The following ST6GALNAC2 variants were observed in gnomAD, a reference collection of about 807,000 sequenced individuals.
The protein encoded by ST6GALNAC2 is alpha-N-acetylgalactosaminide alpha-2,6-sialyltransferase 2.
In ST6GALNAC2, 42 loss-of-function variants were observed where a neutral mutation model predicts 38.7. The observed-to-expected ratio is 1.09, with a 90% CI of 0.85 to 1.40. ST6GALNAC2 has a LOEUF of 1.40. Ranked by LOEUF, ST6GALNAC2 falls within the 40% of genes most tolerant of loss-of-function variation. The pLI is 0.00. For synonymous variants in ST6GALNAC2, 233 were observed against 209.0 expected (o/e 1.11, Z -0.99); for missense variants, 506 against 481.7 (o/e 1.05, Z -0.47).
chr17:76,572,632 C>T lies in ST6GALNAC2; in HGVS notation c.669+5G>A. ...CCACAATGGCATGCCCGCCAGAGGC[C>T]TCACCTGTCCTTGTGGCACGGAGGT... On this transcript the variant is annotated splice_donor_5th_base_variant and intron_variant, in intron 5 of 8. Coordinates refer to ENST00000225276, the MANE Select transcript of ST6GALNAC2 (RefSeq NM_006456.3). 1 of 1,613,970 alleles carries T rather than the reference C, an allele frequency of 6.2e-7. No homozygotes were observed. The highest frequency in any genetic ancestry group is 8.5e-7 in the Non-Finnish European group (1 of 1,179,988).
chr17:76,582,078 G>A (rs1307266819), intron 1 of ST6GALNAC2, among the ~76,000 whole-genome samples: 4 of 150,490 alleles, frequency 2.7e-5, no homozygotes, highest in East Asian at 2.0e-4. Flanking sequence ...TGTTGGCCAC[G>A]ATGGTCTTGA....
At chr17:76,570,842 C>T (rs939942417) in intron 5 of ST6GALNAC2, 174 bp from the exon 6 acceptor site, 2 of 593,228 alleles carry the variant, frequency 3.4e-6, no homozygotes, top group African/African-American at 3.7e-5. Context: ...CACAAATCCT[C>T]TAATGCTCCT....
At chr17:76,577,472 G>A (rs2075430277) in intron 2 of ST6GALNAC2, among the ~76,000 whole-genome samples, 1 of 152,070 alleles carries the variant, frequency 6.6e-6, no homozygotes, top group African/African-American at 2.4e-5. Context: ...GGCTCAAGGT[G>A]GAAAAGAGTT....
rs924479371 is a variant in ST6GALNAC2, at chr17:76,573,058, T to C, written c.530+137A>G. On this transcript the variant is annotated intron_variant, in intron 4 of 8. Coordinates refer to ENST00000225276, the MANE Select transcript of ST6GALNAC2 (RefSeq NM_006456.3). The surrounding 1 kb of genome is among the most constrained non-coding windows in gnomAD (Gnocchi z 5.1). ...CAGGGCCTACTGTTTGTTTTTGCCTTGTCCATGCCCGTGTGCTGGTCACAA... is the reference window on the plus strand; with the variant it reads ...CAGGGCCTACTGTTTGTTTTTGCCTCGTCCATGCCCGTGTGCTGGTCACAA... 2.0e-6 allele frequency: 2 copies of C among 1,019,174 alleles called. No homozygotes were observed. The highest frequency in any genetic ancestry group is 2.8e-6 in the Non-Finnish European group (2 of 715,246). The allele number at this position is 1,019,174 out of a possible 1,614,324, so 63.1% of individuals were successfully genotyped here.
intron 7 of ST6GALNAC2, 65 bp from the exon 8 acceptor site, chr17:76,567,617 A>G (rs2075301073): frequency 9.1e-7 from 1 of 1,095,048 alleles, no homozygotes; most frequent in Non-Finnish European, 1.4e-6. Flanking sequence ...TCACAACTAC[A>G]CATTCAAATA....
At position 76,566,120 on chromosome 17, in the gene ST6GALNAC2, T is replaced by A. The variant is rs199771999; in HGVS notation, c.1109A>T (p.Gln370Leu). 4 of 1,614,060 alleles carry A rather than the reference T, an allele frequency of 2.5e-6. No individual in the cohort carries two copies. The East Asian group carries it at 6.7e-5, about 27-fold the overall frequency. The change falls in exon 9 of 9, where the codon CAG (glutamine) becomes CTG (leucine). Residue 370 changes from glutamine to leucine, a missense_variant. Physicochemically the swap from Gln to Leu is moderately radical, Grantham distance 113 (BLOSUM62 -2). Coordinates refer to ENST00000225276, the MANE Select transcript of ST6GALNAC2 (RefSeq NM_006456.3). ...GCATTGGGGTCAGCGCTGGTACAGC[T>A]GAAGGATGCCGGCCTTGTGCAGGTC... is the stretch of plus-strand genomic sequence containing the variant. ...WRDLHKAGILQLYQR is the reference protein window; with the variant it reads ...WRDLHKAGILLLYQR
At chr17:76,576,986 T>A (rs549721354) in intron 2 of ST6GALNAC2, among the ~76,000 whole-genome samples, 5 of 144,274 alleles carry the variant, frequency 3.5e-5, no homozygotes, top group Admixed American at 1.4e-4. Context: ...AAAAAAAAAA[T>A]GCAAAATGTA....
Position 76,565,910 on chromosome 17 carries a change from G to A in ST6GALNAC2, c.*194C>T, listed in dbSNP as rs891637457. 3.0e-5 allele frequency: 17 copies of A among 575,364 alleles called. No individual in the cohort carries two copies. Among genetic ancestry groups the A allele is most frequent in the Non-Finnish European group, 5.1e-5 (17 of 332,484 alleles). The allele number at this position is 575,364 out of a possible 1,614,324, so 35.6% of individuals were successfully genotyped here. On this transcript the variant is annotated 3_prime_UTR_variant, in exon 9 of 9. Coordinates refer to ENST00000225276, the MANE Select transcript of ST6GALNAC2 (RefSeq NM_006456.3). Reference sequence around the variant, plus strand: ...ATTGAGATGTATTGTTTTAGATACAGAAGAGTTCTTGGATGAGCCAAGGAC... The same window carrying A: ...ATTGAGATGTATTGTTTTAGATACAAAAGAGTTCTTGGATGAGCCAAGGAC...
chr17:76,585,617 G>T, intron 1 of ST6GALNAC2, 67 bp downstream of exon 1: 1 of 1,441,396 alleles, frequency 6.9e-7, no homozygotes, highest in Non-Finnish European at 9.0e-7. Flanking sequence ...GGGAGCCCTG[G>T]GCTGGGGACC....
At chr17:76,585,012 A>G (rs1283818934) in intron 1 of ST6GALNAC2, among the ~76,000 whole-genome samples, 2 of 152,258 alleles carry the variant, frequency 1.3e-5, no homozygotes, top group Non-Finnish European at 2.9e-5. Context: ...CACCCAGGAA[A>G]GTGCCTAGGG....
At chr17:76,568,867 G>C in intron 6 of ST6GALNAC2, 71 bp from the exon 7 acceptor site, 1,294 of 1,395,240 alleles carry the variant, frequency 9.3e-4, no homozygotes, top group Non-Finnish European at 1.2e-3. Flanking sequence ...GGAGGGGAGG[G>C]TCAGGGCGCC....
intron 3 of ST6GALNAC2, 144 bp downstream of exon 3, chr17:76,574,221 T>C: frequency 2.1e-6 from 2 of 973,636 alleles, no homozygotes; most frequent in East Asian, 2.6e-5. Flanking sequence ...AGGAGTTGCA[T>C]AGCTGGGGCT....
intron 4 of ST6GALNAC2, 121 bp from the exon 5 acceptor site, chr17:76,572,896 G>A: frequency 8.0e-7 from 1 of 1,245,112 alleles, no homozygotes; most frequent in Non-Finnish European, 1.1e-6. Flanking sequence ...TTCTGCCCAT[G>A]GCAGTACCAG....
chr17:76,583,300 C>G (rs1301521892), intron 1 of ST6GALNAC2, among the ~76,000 whole-genome samples: 1 of 145,646 alleles, frequency 6.9e-6, no homozygotes, highest in Middle Eastern at 3.6e-3. Context: ...GGCATGAACC[C>G]GGGAGACAGA....
intron 5 of ST6GALNAC2, chr17:76,571,069 AGTGGCAAGGGCCCGT>A (rs2075348352): frequency 6.3e-6 from 1 of 158,158 alleles, no homozygotes; most frequent in African/African-American, 2.4e-5. Flanking sequence ...AGAGGGCCCA[AGTGGCAAGGGCCCGT>A]GAGACGCCAT....
Position 76,566,187 on chromosome 17 carries a change from A to G in ST6GALNAC2, c.1042T>C (p.Tyr348His), listed in dbSNP as rs1480903920. 6.2e-7 allele frequency: 1 copy of G among 1,614,122 alleles called. No homozygotes were observed. The highest frequency in any genetic ancestry group is 1.1e-5 in the South Asian group (1 of 91,076). Residue 348 changes from tyrosine to histidine, a missense_variant, in exon 9 of 9, where the codon TAT becomes CAT. By Grantham distance (83) the Tyr-to-His change is moderately conservative. Coordinates refer to ENST00000225276, the MANE Select transcript of ST6GALNAC2 (RefSeq NM_006456.3). ...FERKMKPLIF[Y>H]ANHDLSLEAA... ...TCCAGGGACAGATCGTGGTTTGCAT[A>G]AAATATCAATGGCTTCATTTTTCGT... is the stretch of plus-strand genomic sequence containing the variant.
Position 76,570,346 on chromosome 17 carries a change from C to A in ST6GALNAC2, c.773+219G>T, listed in dbSNP as rs540420562. 5.6e-6 allele frequency: 3 copies of A among 539,104 alleles called. No individual in the cohort carries two copies. In the African/African-American group the frequency reaches 5.7e-5, roughly 10 times the overall value. The allele number at this position is 539,104 out of a possible 1,614,324, so 33.4% of individuals were successfully genotyped here. On this transcript the variant is annotated intron_variant, in intron 6 of 8. Transcript: ENST00000225276. The stretch of plus-strand genomic sequence containing the variant: ...ACTGCCCCCAGAGGGCTACTGGGAA[C>A]CCGGAGGGTCACCTGGGCTTTCCAG...
chr17:76,568,611 G>A (rs1311000867), intron 7 of ST6GALNAC2, 102 bp downstream of exon 7: 10 of 1,089,768 alleles, frequency 9.2e-6, no homozygotes, highest in Admixed American at 8.8e-5. Flanking sequence ...TCTGGTTATC[G>A]GTCAGTGCGT....
chr17:76,570,223 C>T (rs1023500810), intron 6 of ST6GALNAC2: 3 of 267,300 alleles, frequency 1.1e-5, no homozygotes, highest in South Asian at 5.2e-5. Context: ...GACCCGGAGC[C>T]GCTGGCGGCT....
Sources: allele counts gnomAD v4.1 joint callset (sites outside exome capture counted in the v4.1 genomes callset), GRCh38; gene constraint gnomAD v4.1.1; non-coding constraint Gnocchi (gnomAD v3.1); transcripts MANE v1.5; gene names NCBI Gene and HGNC (gene_info 2026-07-23, HGNC 2026-07-21).